The following DENND2B variants were observed in gnomAD, a reference collection of about 807,000 sequenced individuals.
DENND2B encodes the protein DENN domain containing 2B.
Under a neutral mutation model 116.0 loss-of-function variants are expected in DENND2B, and 32 were observed. That is an observed-to-expected ratio of 0.28 (90% CI 0.21 to 0.37). DENND2B has a LOEUF of 0.37. Among genes scored for constraint, DENND2B ranks in the 10% least tolerant of loss-of-function variants. The pLI, the probability that DENND2B is intolerant of heterozygous loss-of-function variation, is 1.00. For synonymous variants in DENND2B, 588 were observed against 583.9 expected, an observed-to-expected ratio of 1.01 and a Z score of -0.10; for missense variants, 1,276 against 1,477.7, an observed-to-expected ratio of 0.86 and a Z score of 2.24.
rs1489947024 is a variant in DENND2B at position 8,693,668 on chromosome 11, A to G, written c.*428T>C. 5.6e-6 allele frequency: 1 copy of G among 179,342 alleles called. No homozygotes were observed. Among genetic ancestry groups the G allele is most frequent in the Non-Finnish European group, 1.2e-5 (1 of 85,884 alleles). 11.1% of individuals were successfully genotyped at this position (179,342 alleles called of 1,614,324 possible). On this transcript the variant is annotated 3_prime_UTR_variant, in exon 20 of 20. Transcript: ENST00000313726. The stretch of plus-strand genomic sequence containing the variant: ...TTTTTAAAAGGTCCTCCTGTACATA[A>G]CAAGACAGCATCTGCTCTCCAGGGC...
In DENND2B at chr11:8,848,652, G is replaced by A. The variant is rs1331869554; in HGVS notation, c.-156+8691C>T. Among the ~76,000 whole-genome samples the A allele has an allele frequency of 3.3e-5, 5 of 152,130 alleles. No homozygotes were observed. In the East Asian group the frequency reaches 5.8e-4, roughly 18 times the overall value. On this transcript the variant is annotated intron_variant, in intron 3 of 6. Transcript: ENST00000524757. ...AAATAACATAATGTCCAGGAATGGA[G>A]GAGAAAGATAAAATTGGCAAAATGT...
intron 1 of DENND2B, among the ~76,000 whole-genome samples, chr11:8,896,606 C>T (rs1341208150): frequency 6.6e-6 from 1 of 152,090 alleles, no homozygotes; most frequent in Non-Finnish European, 1.5e-5. Flanking sequence ...TATGATGGTG[C>T]AAAAGCAATA....
chr11:8,800,395 G>C (rs529036341), intron 1 of DENND2B, among the ~76,000 whole-genome samples: 168 of 152,308 alleles, frequency 1.1e-3, no homozygotes, highest in Non-Finnish European at 1.8e-3. Flanking sequence ...AGTTTTGGGA[G>C]CTCTATGCAC....
At chr11:8,832,013 T>C (rs1268964731) in intron 4 of DENND2B, 1 of 152,106 alleles carries the variant, frequency 6.6e-6, no homozygotes, top group Non-Finnish European at 1.5e-5. Context: ...CTAAGCTCCT[T>C]CCTCACAAAA....
intron 1 of DENND2B, among the ~76,000 whole-genome samples, chr11:8,801,995 GA>G (rs35017643): frequency 0.36 from 21,211 of 59,066 alleles, 2,062 homozygotes; most frequent in Middle Eastern, 0.4. Flanking sequence ...CTCTCTTGGG[GA>G]AAAAAAAAAA....
intron 4 of DENND2B, 27 bp from the exon 5 acceptor site, chr11:8,717,919 G>A (rs543417978): frequency 1.3e-6 from 2 of 1,598,342 alleles, no homozygotes; most frequent in African/African-American, 1.3e-5. Flanking sequence ...GTTAGAGAAG[G>A]GGGAGAAGGG....
chr11:8,704,538 G>A (rs1565646986), intron 13 of DENND2B, among the ~76,000 whole-genome samples: 5 of 152,188 alleles, frequency 3.3e-5, no homozygotes, highest in Admixed American at 6.5e-5. Context: ...GAAAAGAGGC[G>A]AGGAGAAAGC....
At chr11:8,827,956 G>C (rs1342384536) in intron 4 of DENND2B, among the ~76,000 whole-genome samples, 1 of 152,136 alleles carries the variant, frequency 6.6e-6, no homozygotes, top group Non-Finnish European at 1.5e-5. Flanking sequence ...TATTGCACCA[G>C]ACTGGAGGTG....
In DENND2B at chr11:8,791,290, T is replaced by C. The variant is rs186278029; in HGVS notation, c.-26+19227A>G. ...CAATACAATTGCACATAGGAAGCAC[T>C]GGAAAGTTTTGCAAAGGGGATTCAT... On this transcript the variant is annotated intron_variant, in intron 1 of 19. Coordinates refer to ENST00000313726, the MANE Select transcript of DENND2B (RefSeq NM_213618.2). Among the ~76,000 whole-genome samples, 342 of 152,288 alleles carry C rather than the reference T, an allele frequency of 2.2e-3. 2 individuals are homozygous for C. Among genetic ancestry groups the C allele is most frequent in the African/African-American group, 8.0e-3 (333 of 41,552 alleles).
chr11:8,726,130 G>T lies in DENND2B; in HGVS notation c.1420C>A (p.Gln474Lys). Residue 474 changes from glutamine (Q) to lysine (K), a missense_variant, in exon 4 of 20, where the codon CAA (glutamine) becomes AAA (lysine). Transcript: ENST00000313726. Reference sequence around the variant, plus strand: ...GTGCTTTTGGATCCAAACTTGGGTTGGTTCTCAGTACCATTCTCAGTGGGA... The same window carrying T: ...GTGCTTTTGGATCCAAACTTGGGTTTGTTCTCAGTACCATTCTCAGTGGGA... ...SSPTENGTEN[Q>K]PKFGSKSTLE... 6.8e-6 allele frequency: 11 copies of T among 1,614,198 alleles called. No homozygotes were observed. Among genetic ancestry groups the T allele is most frequent in the Non-Finnish European group, 9.3e-6 (11 of 1,180,016 alleles).
At chr11:8,710,805 C>CATA in intron 11 of DENND2B, 40 bp downstream of exon 11, 4 of 1,578,518 alleles carry the variant, frequency 2.5e-6, no homozygotes, top group Non-Finnish European at 3.5e-6. Context: ...CCTGGCCTAT[C>CATA]CCCTGCCTGC....
chr11:8,765,690 CA>C (rs1341362745), intron 1 of DENND2B, among the ~76,000 whole-genome samples: 1 of 96,664 alleles, frequency 1.0e-5, no homozygotes, highest in Non-Finnish European at 2.6e-5. Context: ...TTTCTTGTAT[CA>C]TTTTTTTTTC....
intron 15 of DENND2B, 114 bp from the exon 16 acceptor site, chr11:8,699,088 C>T (rs530933564): frequency 1.3e-5 from 20 of 1,536,000 alleles, no homozygotes; most frequent in Middle Eastern, 4.1e-4. Context: ...GTACTCCAGC[C>T]GGGGATAGAC....
At chr11:8,704,326 AAAG>A (rs932378079) in intron 13 of DENND2B, among the ~76,000 whole-genome samples, 5 of 152,228 alleles carry the variant, frequency 3.3e-5, no homozygotes, top group South Asian at 2.1e-4. Context: ...CCCAAAGAGA[AAAG>A]AAGAGAAGTG....
intron 3 of DENND2B, among the ~76,000 whole-genome samples, chr11:8,846,329 T>A (rs753027583): frequency 2.6e-5 from 4 of 152,136 alleles, no homozygotes; most frequent in African/African-American, 7.2e-5. Flanking sequence ...CTGGTGACAT[T>A]GGAAGGAAGA....
chr11:8,715,385 A>G, intron 6 of DENND2B: 1 of 573,276 alleles, frequency 1.7e-6, no homozygotes, highest in Non-Finnish European at 3.1e-6. Context: ...CCTTCCTCTA[A>G]CATCTGAGCA....
intron 4 of DENND2B, 23 bp from the exon 5 acceptor site, chr11:8,717,915 G>A: frequency 5.0e-6 from 8 of 1,598,120 alleles, no homozygotes; most frequent in African/African-American, 1.3e-5. Flanking sequence ...AAGAGTTAGA[G>A]AAGGGGGAGA....
intron 1 of DENND2B, among the ~76,000 whole-genome samples, chr11:8,799,792 C>T (rs1390979441): frequency 6.6e-6 from 1 of 151,894 alleles, no homozygotes; most frequent in East Asian, 1.9e-4. Flanking sequence ...CCTTTCCCTA[C>T]TGGCATTCCT....
chr11:8,733,783 T>G (rs1051080728), intron 2 of DENND2B, among the ~76,000 whole-genome samples: 8 of 152,210 alleles, frequency 5.3e-5, no homozygotes, highest in Admixed American at 2.0e-4. Flanking sequence ...ATTCTATAAC[T>G]TCCCTTAGTG....
Sources: gnomAD v4.1 joint callset for allele counts (sites outside exome capture counted in the v4.1 genomes callset) on GRCh38, gnomAD v4.1.1 for gene constraint, MANE v1.5 for transcripts, NCBI Gene and HGNC (gene_info 2026-07-23, HGNC 2026-07-21) for gene names.